Variants in MEGF11 observed in about 807,000 individuals in gnomAD.
The protein encoded by MEGF11 is multiple epidermal growth factor-like domains protein 11.
MEGF11 carries 126 observed loss-of-function variants against 146.6 expected under a neutral mutation model. The observed-to-expected ratio is 0.86, with a 90% CI of 0.74 to 1.00. The LOEUF (loss-of-function observed/expected upper bound fraction) is 1.00. Among genes scored for constraint, MEGF11 ranks in the 50% least tolerant of loss-of-function variants. MEGF11 has a pLI of 0.00. For synonymous variants in MEGF11, 532 were observed against 583.4 expected, an observed-to-expected ratio of 0.91 and a Z score of 1.27; for missense variants, 1,509 against 1,521.2, an observed-to-expected ratio of 0.99 and a Z score of 0.13.
intron 6 of MEGF11, among the ~76,000 whole-genome samples, chr15:65,981,357 C>A (rs1023500567): frequency 6.6e-6 from 1 of 152,312 alleles, no homozygotes; most frequent in South Asian, 2.1e-4. Flanking sequence ...CACGTTCCTT[C>A]CAGGCTCAGG....
intron 1 of MEGF11, among the ~76,000 whole-genome samples, chr15:66,244,682 G>C (rs2092269080): frequency 6.6e-6 from 1 of 152,132 alleles, no homozygotes; most frequent in African/African-American, 2.4e-5. Flanking sequence ...ACCAGGCTCA[G>C]TTAAAATCTT....
At chr15:66,094,180 T>C (rs1439198265) in intron 5 of MEGF11, among the ~76,000 whole-genome samples, 1 of 152,092 alleles carries the variant, frequency 6.6e-6, no homozygotes, top group African/African-American at 2.4e-5. Context: ...TCCCTACACA[T>C]ACAACACACA....
intron 5 of MEGF11, among the ~76,000 whole-genome samples, chr15:65,993,507 AC>A (rs35953371): frequency 0.056 from 8,541 of 152,268 alleles, 292 homozygotes; most frequent in Non-Finnish European, 0.062. Flanking sequence ...ATGTCTGTGC[AC>A]AAAGGAATTA....
intron 5 of MEGF11, among the ~76,000 whole-genome samples, chr15:66,018,806 A>G (rs1161738942): frequency 1.3e-5 from 2 of 152,218 alleles, no homozygotes; most frequent in African/African-American, 2.4e-5. Flanking sequence ...TGAGACCAAA[A>G]GAAACATTTG....
At chr15:66,247,089 T>C (rs1407986380) in intron 1 of MEGF11, among the ~76,000 whole-genome samples, 1 of 152,190 alleles carries the variant, frequency 6.6e-6, no homozygotes, top group Non-Finnish European at 1.5e-5. Flanking sequence ...AAAGATTTTA[T>C]AACCTATCCA....
chr15:65,984,569 T>A (rs76501139), intron 5 of MEGF11, among the ~76,000 whole-genome samples: 2 of 128,134 alleles, frequency 1.6e-5, no homozygotes, highest in African/African-American at 6.0e-5. Context: ...GGACAGAGAG[T>A]GACTGAGTAT....
chr15:66,010,062 C>A (rs1324044253), intron 5 of MEGF11, among the ~76,000 whole-genome samples: 1 of 151,586 alleles, frequency 6.6e-6, no homozygotes, highest in Non-Finnish European at 1.5e-5. Flanking sequence ...CCAGCATAAT[C>A]CAATAGAGAA....
At chr15:66,213,502 T>A (rs975769842) in intron 1 of MEGF11, among the ~76,000 whole-genome samples, 2 of 152,176 alleles carry the variant, frequency 1.3e-5, no homozygotes, top group African/African-American at 4.8e-5. Flanking sequence ...AACAGAACTT[T>A]TTGTCTGATA....
rs1182527737 is a variant in MEGF11, at chr15:65,908,805, G to A, written c.2998+229C>T. ...CTTCTCCACCCTAAATAGCCTGTTTGTTCACATCCACCGTTCACTATGGGA... is the reference window on the plus strand; with the variant it reads ...CTTCTCCACCCTAAATAGCCTGTTTATTCACATCCACCGTTCACTATGGGA... On this transcript the variant is annotated intron_variant, in intron 23 of 25. Coordinates refer to ENST00000395614, the MANE Select transcript of MEGF11 (RefSeq NM_001385028.1). 4.6e-5 allele frequency among the ~76,000 whole-genome samples: 7 copies of A among 152,286 alleles called. No individual in the cohort carries two copies. In the Middle Eastern group the frequency reaches 0.017, roughly 370 times the overall value.
chr15:65,951,075 G>T (rs534379511), intron 10 of MEGF11, among the ~76,000 whole-genome samples: 18 of 152,326 alleles, frequency 1.2e-4, no homozygotes, highest in Middle Eastern at 3.4e-3. Flanking sequence ...GAGGTCCAGG[G>T]TTAGAGGGAA....
At chr15:66,105,741 C>A (rs901152004) in intron 4 of MEGF11, among the ~76,000 whole-genome samples, 3 of 152,188 alleles carry the variant, frequency 2.0e-5, no homozygotes, top group Admixed American at 6.5e-5. Flanking sequence ...ATTTACCTTG[C>A]CAAAAGTTTA....
intron 4 of MEGF11, among the ~76,000 whole-genome samples, chr15:66,102,200 C>T (rs529152485): frequency 2.7e-4 from 1 of 3,662 alleles, no homozygotes; most frequent in African/African-American, 3.9e-4. Flanking sequence ...CCTTGCTTTG[C>T]AAAGGATTTT....
chr15:66,041,517 T>G (rs2140297873), intron 5 of MEGF11, among the ~76,000 whole-genome samples: 1 of 152,354 alleles, frequency 6.6e-6, no homozygotes, highest in African/African-American at 2.4e-5. Flanking sequence ...GTGCCTCCGA[T>G]GTACTGTTCA....
At chr15:66,151,147 G>A (rs1443382838) in intron 1 of MEGF11, among the ~76,000 whole-genome samples, 2 of 152,112 alleles carry the variant, frequency 1.3e-5, no homozygotes, top group East Asian at 1.9e-4. Context: ...CTGACCAGCT[G>A]AGACACCCCC....
chr15:66,210,513 A>G (rs1425102816), intron 1 of MEGF11, among the ~76,000 whole-genome samples: 1 of 152,172 alleles, frequency 6.6e-6, no homozygotes, highest in East Asian at 1.9e-4. Flanking sequence ...TCGATGCTCC[A>G]CCACCAACCA....
intron 1 of MEGF11, among the ~76,000 whole-genome samples, chr15:66,246,901 G>GA (rs986537802): frequency 3.3e-5 from 5 of 152,166 alleles, no homozygotes; most frequent in Non-Finnish European, 4.4e-5. Context: ...TGGAAACCAG[G>GA]AATCCAGGGC....
Position 66,026,691 on chromosome 15 carries a change from T to C in MEGF11, c.395-44203A>G, listed in dbSNP as rs187237339. Reference sequence around the variant, plus strand: ...TTTTAGTAGAGACGGGGTTTCACCATGTTGGCCAGGATGGTCTCGATCTCC... The same window carrying C: ...TTTTAGTAGAGACGGGGTTTCACCACGTTGGCCAGGATGGTCTCGATCTCC... On this transcript the variant is annotated intron_variant, in intron 5 of 25. Transcript: ENST00000395614. 8.0e-3 allele frequency among the ~76,000 whole-genome samples: 1,214 copies of C among 151,910 alleles called. 5 individuals carry two copies. The highest frequency in any genetic ancestry group is 0.012 in the Admixed American group (180 of 15,262).
intron 5 of MEGF11, among the ~76,000 whole-genome samples, chr15:66,090,596 C>T (rs2086280639): frequency 6.6e-6 from 1 of 152,256 alleles, no homozygotes; most frequent in Admixed American, 6.5e-5. Flanking sequence ...ATACTCACCA[C>T]ATGCTTTCTA....
At chr15:66,016,061 T>C (rs1278221405) in intron 5 of MEGF11, among the ~76,000 whole-genome samples, 3 of 151,916 alleles carry the variant, frequency 2.0e-5, no homozygotes, top group Non-Finnish European at 4.4e-5. Context: ...AATCATAGAA[T>C]GGGAGAGGGC....
Sources: gnomAD v4.1 joint callset for allele counts (sites outside exome capture counted in the v4.1 genomes callset) on GRCh38, gnomAD v4.1.1 for gene constraint, MANE v1.5 for transcripts, NCBI Gene and HGNC (gene_info 2026-07-23, HGNC 2026-07-21) for gene names.